CCDC136: variants seen among roughly 807,000 people sequenced by gnomAD.
The protein encoded by CCDC136 is coiled-coil domain containing 136, also known as coiled-coil domain-containing protein 136.
CCDC136 carries 100 observed loss-of-function variants against 141.2 expected under a neutral mutation model. The ratio of observed to expected loss-of-function variants is 0.71; its 90% confidence interval spans 0.60 to 0.84. The LOEUF (loss-of-function observed/expected upper bound fraction) is 0.84, where lower values mean the gene tolerates loss of function less well. Among genes scored for constraint, CCDC136 ranks in the 40% least tolerant of loss-of-function variants. CCDC136 has a pLI of 0.00. For missense variants in CCDC136, 1,206 were observed against 1,379.4 expected, an observed-to-expected ratio of 0.87 and a Z score of 1.99; for synonymous variants, 474 against 531.9, an observed-to-expected ratio of 0.89 and a Z score of 1.50.
chr7:128,792,609 A>C (rs1802347800), intron 1 of CCDC136, among the ~76,000 whole-genome samples, 182 bp downstream of exon 1: 1 of 151,894 alleles, frequency 6.6e-6, no homozygotes, highest in South Asian at 2.1e-4. Context: ...ACAGAAGTTC[A>C]GGATGCATCC....
rs1271977045 is a variant in CCDC136 at position 128,821,727 on chromosome 7, AG to A, written c.*6-70del. ...TTCCTGAGGTGTCTTGGGCACCCATAGGCAGGTGACTTCTGGCTTAGGGCAG... is the reference window on the plus strand; with the variant it reads ...TTCCTGAGGTGTCTTGGGCACCCATAGCAGGTGACTTCTGGCTTAGGGCAG... On this transcript the variant is annotated intron_variant, in intron 17 of 17. Coordinates refer to ENST00000297788, the MANE Select transcript of CCDC136 (RefSeq NM_022742.5). This position sits in a 1 kb window ranked among gnomAD's most constrained non-coding sequence, Gnocchi z 5.1. The A allele has an allele frequency of 8.2e-7, 1 of 1,215,336 alleles. No individual in the cohort carries two copies. The highest frequency in any genetic ancestry group is 1.6e-5 in the African/African-American group (1 of 64,294). 75.3% of individuals were successfully genotyped at this position (1,215,336 alleles called of 1,614,324 possible). A position where few individuals can be genotyped will look rare whatever the true frequency, so the allele number is the denominator to read the frequency against.
In CCDC136 at chr7:128,806,393, A is replaced by C. The variant is rs377302405; in HGVS notation, c.1246A>C (p.Lys416Gln). 1.3e-3 allele frequency: 2,077 copies of C among 1,599,748 alleles called. 42 individuals are homozygous for C. The South Asian group carries it at 0.022, about 17-fold the overall frequency. ...KSTLVENQSE[K>Q]ELLCRLQKLH... is the part of the protein sequence containing the mutation. ...CACACTTGTAGAAAACCAGAGTGAG[A>C]AGGTAACAGCAACCAGAGGTGAGGG... Residue 416 changes from lysine (K) to glutamine (Q), a missense_variant and splice_region_variant, in exon 8 of 18, where the codon AAG becomes CAG. Lys to Gln is a moderately conservative substitution (Grantham distance 53, BLOSUM62 1). Coordinates refer to ENST00000297788, the MANE Select transcript of CCDC136 (RefSeq NM_022742.5).
chr7:128,791,471 G>A, upstream of CCDC136: 1 of 1,319,254 alleles, frequency 7.6e-7, no homozygotes, highest in Non-Finnish European at 9.6e-7. This position sits in a 1 kb window ranked among gnomAD's most constrained non-coding sequence, Gnocchi z 7.1. Flanking sequence ...TCAGGGAGGC[G>A]GAAGGCGGCG....
chr7:128,812,700 C>G lies in CCDC136; in HGVS notation c.2542-8C>G. The G allele has an allele frequency of 1.9e-6, 3 of 1,608,522 alleles. No individual in the cohort carries two copies. Among genetic ancestry groups the G allele is most frequent in the Non-Finnish European group, 2.5e-6 (3 of 1,177,534 alleles). On this transcript the variant is annotated splice_polypyrimidine_tract_variant and splice_region_variant and intron_variant, in intron 13 of 17. Coordinates refer to ENST00000297788, the MANE Select transcript of CCDC136 (RefSeq NM_022742.5). ...AGGGTGCTATTGTTGCTCCCCCACC[C>G]CCCGCAGCGCTTTGAGGAAATGGTT...
Position 128,821,826 on chromosome 7 carries a change from G to C in CCDC136, c.*33G>C, listed in dbSNP as rs1193511515. On this transcript the variant is annotated 3_prime_UTR_variant, in exon 18 of 18. Transcript: ENST00000297788. The surrounding 1 kb of genome is among the most constrained non-coding windows in gnomAD (Gnocchi z 5.1). ...CATGTTTGGGTTGTGGAAGCCTATG[G>C]TATTCTTGGCTATTGCAGCTGTGGC... The C allele has an allele frequency of 7.7e-7, 1 of 1,290,454 alleles. No homozygotes were observed. The highest frequency in any genetic ancestry group is 1.2e-5 in the South Asian group (1 of 81,028). The allele number at this position is 1,290,454 out of a possible 1,614,324, so 79.9% of individuals were successfully genotyped here.
chr7:128,812,618 ATTGT>A, intron 13 of CCDC136, 86 bp from the exon 14 acceptor site: 3 of 1,003,032 alleles, frequency 3.0e-6, no homozygotes, highest in Non-Finnish European at 4.6e-6. Context: ...CCTGGTGGCC[ATTGT>A]TTGGTATCCA....
rs1309342996 is a variant in CCDC136, at chr7:128,805,214, A to G, written c.783-145A>G. On this transcript the variant is annotated intron_variant, in intron 5 of 17. Transcript: ENST00000297788. This position sits in a 1 kb window ranked among gnomAD's most constrained non-coding sequence, Gnocchi z 4.6. ...GGCTGGAGACTTTCTGTAGTCTTTT[A>G]AGCATGTTTATCTGAGCGGTGAGTC... 2.9e-6 allele frequency: 2 copies of G among 691,808 alleles called. No individual in the cohort carries two copies. The allele number at this position is 691,808 out of a possible 1,614,324, so 42.9% of individuals were successfully genotyped here. A position where few individuals can be genotyped will look rare whatever the true frequency, so the allele number is the denominator to read the frequency against.
rs1401296073 is a variant in CCDC136, at chr7:128,815,787, A to G, written c.3219A>G (p.Lys1073=). Residue 1073 remains lysine (K), a synonymous_variant, in exon 16 of 18, where the codon AAA becomes AAG. Coordinates refer to ENST00000297788, the MANE Select transcript of CCDC136 (RefSeq NM_022742.5). ...VAEPADPEEA[K]STEDQEENEE... ...AGCCAGCAGATCCTGAGGAAGCTAA[A>G]TCCACAGAAGATCAGGAGGAAAATG... The G allele has an allele frequency of 6.3e-7, 1 of 1,588,734 alleles. No homozygotes were observed. Among genetic ancestry groups the G allele is most frequent in the African/African-American group, 1.3e-5 (1 of 74,270 alleles).
Position 128,817,145 on chromosome 7 carries a change from G to A in CCDC136, c.3364-613G>A, listed in dbSNP as rs565055768. Among the ~76,000 whole-genome samples, 73 of 152,264 alleles carry A rather than the reference G, an allele frequency of 4.8e-4. No homozygotes were observed. The highest frequency in any genetic ancestry group is 1.6e-3 in the African/African-American group (67 of 41,542). On this transcript the variant is annotated intron_variant, in intron 16 of 17. Transcript: ENST00000297788. The surrounding 1 kb of genome is among the most constrained non-coding windows in gnomAD (Gnocchi z 4.6). Reference sequence around the variant, plus strand: ...ATATATGGAGAGATCCCTTTGCCCCGTGGGTCCTGCGTCTTTTGCAGGCAG... The same window carrying A: ...ATATATGGAGAGATCCCTTTGCCCCATGGGTCCTGCGTCTTTTGCAGGCAG...
In CCDC136 at chr7:128,792,899, G is replaced by GA. The variant is rs1802400585; in HGVS notation, c.16+473dup. 2.0e-5 allele frequency among the ~76,000 whole-genome samples: 3 copies of GA among 152,236 alleles called. No homozygotes were observed. In the South Asian group the frequency reaches 6.2e-4, roughly 31 times the overall value. On this transcript the variant is annotated intron_variant, in intron 1 of 17. Coordinates refer to ENST00000297788, the MANE Select transcript of CCDC136 (RefSeq NM_022742.5). ...TTATTGCCTGAAAGAGAGAGCCTAG[G>GA]AGGGGGCGCGTGAGGCCATCCTCCC... is the stretch of plus-strand genomic sequence containing the variant.
chr7:128,810,075 G>A, intron 11 of CCDC136, 64 bp from the exon 12 acceptor site: 1 of 961,966 alleles, frequency 1.0e-6, no homozygotes, highest in Non-Finnish European at 1.6e-6. Flanking sequence ...AGGCACCAAG[G>A]AGGCATCAGA....
At chr7:128,791,367 C>A, upstream of CCDC136, 1 of 568,470 alleles carries the variant, frequency 1.8e-6, no homozygotes, top group Non-Finnish European at 2.6e-6. This position sits in a 1 kb window ranked among gnomAD's most constrained non-coding sequence, Gnocchi z 7.1. Flanking sequence ...GGGGCGGTGT[C>A]AGGAGGCCCG....
At position 128,822,008 on chromosome 7, in the gene CCDC136, G is replaced by A. The variant is rs909896394; in HGVS notation, c.*215G>A. ...CCAGAACCCTCCCCATATGTTCCAT[G>A]TGTCCCCATCTCCTCAGCCTCAGTC... On this transcript the variant is annotated 3_prime_UTR_variant, in exon 18 of 18. Coordinates refer to ENST00000297788, the MANE Select transcript of CCDC136 (RefSeq NM_022742.5). 1 of 1,253,064 alleles carries A rather than the reference G, an allele frequency of 8.0e-7. No individual in the cohort carries two copies. The highest frequency in any genetic ancestry group is 1.5e-5 in the African/African-American group (1 of 65,090). The allele number at this position is 1,253,064 out of a possible 1,614,324, so 77.6% of individuals were successfully genotyped here.
chr7:128,815,841 A>G lies in CCDC136; in HGVS notation c.3273A>G (p.Glu1091=), dbSNP rs764994414. ...AGGACAAAGAGGAAGAGGAGAAGGA[A>G]GAAGACAGTGAAGAGGAGGAGGATG... ...NEEDKEEEEK[E]EDSEEEEDDA... is the part of the protein sequence containing the mutation. Residue 1091 remains glutamate, a synonymous_variant, in exon 16 of 18, where the codon GAA becomes GAG. Coordinates refer to ENST00000297788, the MANE Select transcript of CCDC136 (RefSeq NM_022742.5). 6.2e-7 allele frequency: 1 copy of G among 1,613,402 alleles called. No homozygotes were observed. The highest frequency in any genetic ancestry group is 1.1e-5 in the South Asian group (1 of 90,784).
intron 17 of CCDC136, among the ~76,000 whole-genome samples, chr7:128,820,354 G>C (rs1275158007): frequency 6.6e-6 from 1 of 152,330 alleles, no homozygotes; most frequent in Middle Eastern, 3.4e-3. Flanking sequence ...CCGGTGATTT[G>C]TCACTTAGGT....
intron 4 of CCDC136, among the ~76,000 whole-genome samples, chr7:128,801,971 A>G (rs1340492691): frequency 6.6e-6 from 1 of 152,124 alleles, no homozygotes; most frequent in Non-Finnish European, 1.5e-5. Context: ...AGGATGGGCA[A>G]AGAGGGACCT....
Position 128,796,739 on chromosome 7 carries a change from A to ATATATATATATATTTTT in CCDC136, c.346+1972_346+1973insATATATATATATTTTTT. On this transcript the variant is annotated intron_variant, in intron 3 of 17. Coordinates refer to ENST00000297788, the MANE Select transcript of CCDC136 (RefSeq NM_022742.5). ...TGATTCAGAATATATATATATATAT[A>ATATATATATATATTTTT]TTCTTTTTTTTTTTTTTTTTGAGAC... is the stretch of plus-strand genomic sequence containing the variant. 2.0e-4 allele frequency among the ~76,000 whole-genome samples: 23 copies of ATATATATATATATTTTT among 113,362 alleles called. 1 individual carries two copies. Among genetic ancestry groups the ATATATATATATATTTTT allele is most frequent in the African/African-American group, 2.3e-4 (5 of 21,788 alleles). The allele number at this position is 113,362 out of a possible 152,430, so 74.4% of individuals were successfully genotyped here. A position where few individuals can be genotyped will look rare whatever the true frequency, so the allele number is the denominator to read the frequency against.
chr7:128,817,738 C>G lies in CCDC136; in HGVS notation c.3364-20C>G. 6.4e-7 allele frequency: 1 copy of G among 1,551,442 alleles called. No homozygotes were observed. Among genetic ancestry groups the G allele is most frequent in the East Asian group, 2.2e-5 (1 of 44,558 alleles). On this transcript the variant is annotated intron_variant, in intron 16 of 17. Transcript: ENST00000297788. The surrounding 1 kb of genome is among the most constrained non-coding windows in gnomAD (Gnocchi z 4.6). The stretch of plus-strand genomic sequence containing the variant: ...TCCTGGTCTCTCCTCGTGCTTCTTT[C>G]TCATTTTGGTGTGTTGCAGTCATCC...
intron 3 of CCDC136, among the ~76,000 whole-genome samples, chr7:128,796,739 A>ATATATATATATATATATATATATTT: frequency 2.6e-5 from 3 of 113,380 alleles, no homozygotes; most frequent in African/African-American, 1.4e-4. Context: ...ATATATATAT[A>ATATATATATATATATATATATATTT]TTCTTTTTTT....
Sources: allele counts gnomAD v4.1 joint callset (sites outside exome capture counted in the v4.1 genomes callset), GRCh38; gene constraint gnomAD v4.1.1; non-coding constraint Gnocchi (gnomAD v3.1); transcripts MANE v1.5; gene names NCBI Gene and HGNC (gene_info 2026-07-23, HGNC 2026-07-21).